The following ADAMTS18 variants were observed in gnomAD, a reference collection of about 807,000 sequenced individuals.
ADAMTS18 encodes A disintegrin and metalloproteinase with thrombospondin motifs 18.
A neutral mutation model predicts 165.9 loss-of-function variants in ADAMTS18; 157 were observed. The ratio of observed to expected loss-of-function variants is 0.95; its 90% confidence interval spans 0.83 to 1.08. The LOEUF (loss-of-function observed/expected upper bound fraction) is 1.08, where lower values mean the gene tolerates loss of function less well. Among genes scored for constraint, ADAMTS18 ranks in the 50% least tolerant of loss-of-function variants. The pLI is 0.00. For missense variants in ADAMTS18, 2,040 were observed against 1,534.0 expected (o/e 1.33, Z -5.51); for synonymous variants, 782 against 578.2 (o/e 1.35, Z -5.06).
chr16:77,327,807 C>G (rs1309826164), intron 12 of ADAMTS18, among the ~76,000 whole-genome samples: 1 of 152,170 alleles, frequency 6.6e-6, no homozygotes, highest in Non-Finnish European at 1.5e-5. Context: ...TCTCCCATTT[C>G]CTAATACTCT....
chr16:77,356,985 ATTTT>A (rs4038549), intron 8 of ADAMTS18, among the ~76,000 whole-genome samples: 12,137 of 140,472 alleles, frequency 0.086, 698 homozygotes, highest in East Asian at 0.25. Context: ...CTTTTCTGAA[ATTTT>A]TTTTTTTTTT....
intron 10 of ADAMTS18, among the ~76,000 whole-genome samples, chr16:77,347,416 A>G (rs1290277053): frequency 2.0e-5 from 3 of 152,208 alleles, no homozygotes; most frequent in Non-Finnish European, 2.9e-5. Context: ...CACTTGACAC[A>G]CTCATCAGCA....
At chr16:77,417,813 T>C (rs1341149339) in intron 3 of ADAMTS18, among the ~76,000 whole-genome samples, 6 of 152,162 alleles carry the variant, frequency 3.9e-5, no homozygotes, top group Non-Finnish European at 8.8e-5. Context: ...AAAAACCTAA[T>C]ACACCTTTCC....
rs551667898 is a variant in ADAMTS18 at position 77,314,184 on chromosome 16, T to C, written c.2532+5665A>G. Among the ~76,000 whole-genome samples the C allele has an allele frequency of 1.0e-3, 159 of 152,300 alleles. 2 individuals carry two copies. The highest frequency in any genetic ancestry group is 3.6e-3 in the African/African-American group (151 of 41,558). ...GACTGGGTATCTCCAGTTAGGAAGA[T>C]GATGGGAGTTAACTCAACGATCAAG... On this transcript the variant is annotated intron_variant, in intron 16 of 22. Transcript: ENST00000282849.
chr16:77,295,300 T>C (rs1210360911), intron 18 of ADAMTS18, among the ~76,000 whole-genome samples, 173 bp from the exon 19 acceptor site: 2 of 152,238 alleles, frequency 1.3e-5, no homozygotes, highest in East Asian at 3.8e-4. Context: ...CTAATGTGAT[T>C]GAGATATAAA....
In ADAMTS18 at chr16:77,434,465, G is replaced by C. The variant is rs766063430; in HGVS notation, c.131C>G (p.Ala44Gly). 2.2e-5 allele frequency: 35 copies of C among 1,571,586 alleles called. No homozygotes were observed. The highest frequency in any genetic ancestry group is 2.9e-5 in the Non-Finnish European group (34 of 1,164,102). Reference protein sequence around the residue: ...LCCLCCASVAAALASDSSSGA... With the variant: ...LCCLCCASVAGALASDSSSGA... ...GCTGCTGCTGTCACTGGCTAAGGCC[G>C]CGGCGACCGACGCACAGCAGAGGCA... The change falls in exon 2 of 23, where the codon GCG becomes GGG. Residue 44 changes from alanine (A) to glycine (G), a missense_variant. Physicochemically the swap from Ala to Gly is moderately conservative, Grantham distance 60. Transcript: ENST00000282849.
chr16:77,411,677 A>ATT (rs34453966), intron 3 of ADAMTS18, among the ~76,000 whole-genome samples: 1,048 of 73,870 alleles, frequency 0.014, 131 homozygotes, highest in African/African-American at 0.034. Flanking sequence ...AGTATCCAGA[A>ATT]TTTTTTTTTT....
chr16:77,348,203 T>TAA (rs2056505540), intron 10 of ADAMTS18, among the ~76,000 whole-genome samples: 1 of 152,094 alleles, frequency 6.6e-6, no homozygotes, highest in African/African-American at 2.4e-5. Flanking sequence ...GGGGGGACAA[T>TAA]AAATAATGTT....
rs532911526 is a variant in ADAMTS18, at chr16:77,344,814, G to A, written c.1615-3015C>T. The stretch of plus-strand genomic sequence containing the variant: ...ATGAACATGTTATTTCTTCTGCGGT[G>A]GAGTACAGAAGTCAAGGGTAATTAT... On this transcript the variant is annotated intron_variant, in intron 10 of 22. Coordinates refer to ENST00000282849, the MANE Select transcript of ADAMTS18 (RefSeq NM_199355.4). 7.2e-5 allele frequency among the ~76,000 whole-genome samples: 11 copies of A among 152,174 alleles called. No individual in the cohort carries two copies. The South Asian group carries it at 1.5e-3, about 20-fold the overall frequency.
rs527534262 is a variant in ADAMTS18, at chr16:77,282,906, C to CTCTTTTTT, written c.*1049_*1050insAAAAAAGA. On this transcript the variant is annotated 3_prime_UTR_variant, in exon 23 of 23. Transcript: ENST00000282849. ...CCACTGTTTACTCCTTTCTTTCTCT[C>CTCTTTTTT]TTTTTTTTTTTTTTTTTTTTGCTGT... 38 of 77,528 alleles carry CTCTTTTTT rather than the reference C, an allele frequency of 4.9e-4. No homozygotes were observed. Among genetic ancestry groups the CTCTTTTTT allele is most frequent in the South Asian group, 1.0e-3 (2 of 1,956 alleles). 4.8% of individuals were successfully genotyped at this position (77,528 alleles called of 1,614,324 possible).
intron 10 of ADAMTS18, among the ~76,000 whole-genome samples, chr16:77,342,853 T>C (rs530410303): frequency 2.6e-4 from 40 of 152,214 alleles, no homozygotes; most frequent in African/African-American, 9.6e-4. Context: ...GGGCCTAACA[T>C]AGTCACAAGA....
chr16:77,331,639 A>C (rs1036669247), intron 12 of ADAMTS18, among the ~76,000 whole-genome samples: 1 of 152,112 alleles, frequency 6.6e-6, no homozygotes, highest in African/African-American at 2.4e-5. Context: ...CAATGTCTGG[A>C]GACATTTTTG....
intron 22 of ADAMTS18, among the ~76,000 whole-genome samples, chr16:77,287,712 T>G (rs767413031): frequency 1.3e-5 from 2 of 152,084 alleles, no homozygotes; most frequent in Non-Finnish European, 2.9e-5. Context: ...CCTCAGGTGA[T>G]CCACCCGCCT....
At chr16:77,379,033 A>G (rs981179710) in intron 3 of ADAMTS18, 3 of 145,558 alleles carry the variant, frequency 2.1e-5, no homozygotes, top group Non-Finnish European at 3.0e-5. Flanking sequence ...AGATATTTAA[A>G]GACAGAAGAG....
intron 22 of ADAMTS18, among the ~76,000 whole-genome samples, chr16:77,287,306 G>A (rs764518681): frequency 1.3e-4 from 20 of 152,078 alleles, no homozygotes; most frequent in Non-Finnish European, 2.5e-4. Context: ...ACACTCAAAC[G>A]ACATTCATAG....
intron 3 of ADAMTS18, among the ~76,000 whole-genome samples, chr16:77,407,534 A>C (rs1006402111): frequency 1.3e-5 from 2 of 152,142 alleles, no homozygotes; most frequent in Non-Finnish European, 2.9e-5. Flanking sequence ...ATACTCCTAA[A>C]TACGTGTAAG....
At chr16:77,296,037 C>G (rs1010297306) in intron 18 of ADAMTS18, among the ~76,000 whole-genome samples, 59 of 151,760 alleles carry the variant, frequency 3.9e-4, no homozygotes, top group Non-Finnish European at 7.6e-4. Context: ...TATACACACA[C>G]ATATACGCAC....
At chr16:77,431,717 T>C (rs1229877045) in intron 2 of ADAMTS18, 106 bp from the exon 3 acceptor site, 2 of 1,190,164 alleles carry the variant, frequency 1.7e-6, no homozygotes, top group South Asian at 1.2e-5. Flanking sequence ...GATATCTTTG[T>C]TCCTATTGCC....
chr16:77,282,965 G>C lies in ADAMTS18; in HGVS notation c.*991C>G, dbSNP rs1003066766. The C allele has an allele frequency of 2.3e-5, 3 of 129,096 alleles. No individual in the cohort carries two copies. The highest frequency in any genetic ancestry group is 2.3e-4 in the East Asian group (1 of 4,312). 8.0% of individuals were successfully genotyped at this position (129,096 alleles called of 1,614,324 possible). A position where few individuals can be genotyped will look rare whatever the true frequency, so the allele number is the denominator to read the frequency against. On this transcript the variant is annotated 3_prime_UTR_variant, in exon 23 of 23. Transcript: ENST00000282849. ...TCCTAGGGCAAATTTAAACGTATCAGTTGGTAGGAAAAAGCCACAAGTGGC... is the reference window on the plus strand; with the variant it reads ...TCCTAGGGCAAATTTAAACGTATCACTTGGTAGGAAAAAGCCACAAGTGGC...
Sources: allele counts gnomAD v4.1 joint callset (sites outside exome capture counted in the v4.1 genomes callset), GRCh38; gene constraint gnomAD v4.1.1; transcripts MANE v1.5; gene names NCBI Gene and HGNC (gene_info 2026-07-23, HGNC 2026-07-21).